The following GALNT2 variants were observed in gnomAD, a reference collection of about 807,000 sequenced individuals.
The protein encoded by GALNT2 is UDP-GalNAc:polypeptide N-acetylgalactosaminyltransferase 2.
In GALNT2, 31 loss-of-function variants were observed where a neutral mutation model predicts 81.4. The ratio of observed to expected loss-of-function variants is 0.38; its 90% CI spans 0.29 to 0.51. The LOEUF is 0.51. GALNT2 is among the 20% of genes least tolerant of loss of function. The probability of loss-of-function intolerance (pLI) is 0.87; values close to 1 mark genes in which losing one functional copy is unlikely to be tolerated. For missense variants in GALNT2, 629 were observed against 765.7 expected (o/e 0.82, Z 2.11); for synonymous variants, 303 against 287.4 (o/e 1.05, Z -0.55).
rs1219112204 is a variant in GALNT2 at position 230,227,439 on chromosome 1, A to G, written c.375-8575A>G. On this transcript the variant is annotated intron_variant, in intron 3 of 15. Coordinates refer to ENST00000366672, the MANE Select transcript of GALNT2 (RefSeq NM_004481.5). ...ACTAGCAAATCTAATACAGCTATATATATATATGCTATATAATACAGCTAT... is the reference window on the plus strand; with the variant it reads ...ACTAGCAAATCTAATACAGCTATATGTATATATGCTATATAATACAGCTAT... Among the ~76,000 whole-genome samples the G allele has an allele frequency of 4.0e-5, 6 of 150,692 alleles. No homozygotes were observed. In the South Asian group the frequency reaches 1.0e-3, roughly 26 times the overall value.
intron 6 of GALNT2, among the ~76,000 whole-genome samples, chr1:230,241,381 T>C (rs1665194602): frequency 6.6e-6 from 1 of 152,172 alleles, no homozygotes; most frequent in South Asian, 2.1e-4. Context: ...TACCAGATGA[T>C]GATGCTGAAC....
chr1:230,135,135 A>G (rs760036619), intron 1 of GALNT2, among the ~76,000 whole-genome samples: 20 of 151,930 alleles, frequency 1.3e-4, no homozygotes, highest in Non-Finnish European at 8.8e-5. Context: ...TGCATTCCCC[A>G]TTTCAGAGAT....
chr1:230,207,370 G>C (rs1298204480), intron 3 of GALNT2, among the ~76,000 whole-genome samples: 1 of 152,044 alleles, frequency 6.6e-6, no homozygotes, highest in African/African-American at 2.4e-5. Context: ...TACCCTGAAG[G>C]ATAGATACAA....
At chr1:230,068,187 C>G (rs1329261065) in intron 1 of GALNT2, among the ~76,000 whole-genome samples, 1 of 152,254 alleles carries the variant, frequency 6.6e-6, no homozygotes, top group African/African-American at 2.4e-5. Context: ...TTAACATGCT[C>G]CAGGGGCCGA....
At chr1:230,186,075 G>A (rs1663325901) in intron 2 of GALNT2, among the ~76,000 whole-genome samples, 1 of 152,208 alleles carries the variant, frequency 6.6e-6, no homozygotes, top group African/African-American at 2.4e-5. Flanking sequence ...GCTTTTTACT[G>A]TTAGGACGGA....
chr1:230,087,688 C>T (rs1483896696), intron 1 of GALNT2, among the ~76,000 whole-genome samples: 8 of 152,192 alleles, frequency 5.3e-5, no homozygotes, highest in African/African-American at 1.4e-4. Context: ...AGGAAGGCGT[C>T]GCTGAGAGTC....
chr1:230,098,030 A>C (rs555288832), intron 1 of GALNT2, among the ~76,000 whole-genome samples: 1 of 152,218 alleles, frequency 6.6e-6, no homozygotes, highest in African/African-American at 2.4e-5. Flanking sequence ...TCTTGCTTGT[A>C]TTCTGGGTAG....
At chr1:230,179,202 G>C (rs966203716) in intron 2 of GALNT2, among the ~76,000 whole-genome samples, 10 of 151,988 alleles carry the variant, frequency 6.6e-5, no homozygotes, top group Admixed American at 6.6e-5. Context: ...TATTCACCTA[G>C]TGAAGGACAT....
At chr1:230,145,900 T>G (rs1001499446) in intron 1 of GALNT2, among the ~76,000 whole-genome samples, 5 of 152,260 alleles carry the variant, frequency 3.3e-5, no homozygotes, top group Non-Finnish European at 7.3e-5. Flanking sequence ...GAAGTGTGCC[T>G]TTCAAAGATG....
intron 1 of GALNT2, among the ~76,000 whole-genome samples, chr1:230,148,701 C>T (rs1012367608): frequency 6.6e-6 from 1 of 151,754 alleles, no homozygotes; most frequent in African/African-American, 2.4e-5. Flanking sequence ...ATCCTCCCAC[C>T]TCAGCCTTCC....
At chr1:230,182,877 T>TTCTA (rs1330290277) in intron 2 of GALNT2, among the ~76,000 whole-genome samples, 1 of 152,216 alleles carries the variant, frequency 6.6e-6, no homozygotes, top group African/African-American at 2.4e-5. Flanking sequence ...CTCCTTGCAG[T>TTCTA]TCTATCTATC....
intron 1 of GALNT2, among the ~76,000 whole-genome samples, chr1:230,114,225 C>T (rs1660779500): frequency 6.6e-6 from 1 of 152,154 alleles, no homozygotes; most frequent in Non-Finnish European, 1.5e-5. Flanking sequence ...GTTCGTCTTC[C>T]TGGTGTTTCC....
At chr1:230,273,995 A>G (rs114032395) in intron 14 of GALNT2, among the ~76,000 whole-genome samples, 65 of 152,352 alleles carry the variant, frequency 4.3e-4, no homozygotes, top group African/African-American at 1.4e-3. Flanking sequence ...ACATTCATCA[A>G]TGCTGTTTGC....
intron 1 of GALNT2, among the ~76,000 whole-genome samples, chr1:230,087,626 G>C (rs1659938321): frequency 6.6e-6 from 1 of 152,200 alleles, no homozygotes; most frequent in Admixed American, 6.5e-5. Context: ...TTTAGAAAAA[G>C]CTCCCCATGT....
chr1:230,188,028 C>T (rs1182728449), intron 2 of GALNT2, among the ~76,000 whole-genome samples: 6 of 152,134 alleles, frequency 3.9e-5, no homozygotes, highest in East Asian at 3.9e-4. Context: ...TTGGGCCCTA[C>T]GGTTCCAGGC....
At chr1:230,130,603 C>T (rs1051625758) in intron 1 of GALNT2, among the ~76,000 whole-genome samples, 2 of 152,206 alleles carry the variant, frequency 1.3e-5, no homozygotes, top group Non-Finnish European at 2.9e-5. Flanking sequence ...GGACCGACCC[C>T]TGTGTCTCCC....
At chr1:230,184,999 C>T (rs1663276497) in intron 2 of GALNT2, among the ~76,000 whole-genome samples, 1 of 152,024 alleles carries the variant, frequency 6.6e-6, no homozygotes, top group Non-Finnish European at 1.5e-5. Flanking sequence ...TTTTTTTCCT[C>T]AGCATGTCAT....
At chr1:230,146,359 T>C (rs1347844553) in intron 1 of GALNT2, among the ~76,000 whole-genome samples, 1 of 152,242 alleles carries the variant, frequency 6.6e-6, no homozygotes, top group Non-Finnish European at 1.5e-5. Flanking sequence ...CCTCTTCCTC[T>C]TTCAGTTTTG....
At chr1:230,109,701 G>A (rs2102787957) in intron 1 of GALNT2, among the ~76,000 whole-genome samples, 2 of 152,284 alleles carry the variant, frequency 1.3e-5, no homozygotes, top group South Asian at 4.1e-4. Flanking sequence ...GGTGGCAGGT[G>A]CCTGTAATCC....
Sources: gnomAD v4.1 joint callset for allele counts (sites outside exome capture counted in the v4.1 genomes callset) on GRCh38, gnomAD v4.1.1 for gene constraint, MANE v1.5 for transcripts, NCBI Gene and HGNC (gene_info 2026-07-23, HGNC 2026-07-21) for gene names.